Variants in EPRS1 observed in about 807,000 individuals in gnomAD.
EPRS1 encodes the protein glutamyl-prolyl-tRNA synthetase 1.
A neutral mutation model predicts 188.3 loss-of-function variants in EPRS1; 107 were observed. That is an observed-to-expected ratio of 0.57 (90% CI 0.49 to 0.67). EPRS1 has a LOEUF of 0.67. EPRS1 is among the 30% of genes least tolerant of loss of function. The probability of loss-of-function intolerance (pLI) is 0.00; values close to 1 mark genes in which losing one functional copy is unlikely to be tolerated. For synonymous variants in EPRS1, 596 were observed against 593.1 expected (o/e 1.00, Z -0.07); for missense variants, 1,577 against 1,802.2 (o/e 0.88, Z 2.26).
chr1:219,978,819 G>T (rs182693708), intron 27 of EPRS1, 100 bp from the exon 28 acceptor site: 6 of 798,152 alleles, frequency 7.5e-6, no homozygotes, highest in Non-Finnish European at 1.2e-5. Context: ...TTATTAACAC[G>T]AATCAGCTGT....
chr1:219,983,865 C>G (rs1042266436), intron 21 of EPRS1, among the ~76,000 whole-genome samples: 3 of 147,908 alleles, frequency 2.0e-5, no homozygotes, highest in African/African-American at 7.5e-5. Context: ...TGCACACCAG[C>G]CTAGGCAACA....
At chr1:220,024,482 T>A (rs751753464) in intron 7 of EPRS1, 26 bp from the exon 8 acceptor site, 1 of 1,538,138 alleles carries the variant, frequency 6.5e-7, no homozygotes, top group Non-Finnish European at 8.8e-7. Flanking sequence ...AAAATAACCA[T>A]CAGTATATCT....
chr1:219,983,421 T>A (rs1325137493), intron 21 of EPRS1, 23 bp from the exon 22 acceptor site: 2 of 1,573,264 alleles, frequency 1.3e-6, no homozygotes, highest in Admixed American at 3.6e-5. Flanking sequence ...AAAATAGTCT[T>A]TAAAGCTTAC....
At position 220,034,941 on chromosome 1, in the gene EPRS1, A is replaced by C; in HGVS notation, c.204T>G (p.Tyr68Ter). 1 of 1,601,804 alleles carries C rather than the reference A, an allele frequency of 6.2e-7. No individual in the cohort carries two copies. ...LARVATTAGLYGSNLMEHTEI... is the reference protein window; with the variant it reads ...LARVATTAGL Reference sequence around the variant, plus strand: ...CAGTATGTTCCATCAGATTAGAGCCATATAACCCAGCTGTAGTTGCAACTC... The same window carrying C: ...CAGTATGTTCCATCAGATTAGAGCCCTATAACCCAGCTGTAGTTGCAACTC... The change falls in exon 3 of 32, where the codon TAT becomes TAG. Residue 68 changes from tyrosine (Y) to a stop codon, truncating the protein, a stop_gained. Transcript: ENST00000366923. LOFTEE classifies it high-confidence loss of function.
chr1:220,040,326 T>G, intron 1 of EPRS1, 57 bp from the exon 2 acceptor site: 1 of 1,192,490 alleles, frequency 8.4e-7, no homozygotes, highest in South Asian at 1.3e-5. Flanking sequence ...ATTTATAACT[T>G]GAATCATAAA....
At chr1:219,977,211 AC>A (rs1315742535) in intron 28 of EPRS1, among the ~76,000 whole-genome samples, 1 of 152,180 alleles carries the variant, frequency 6.6e-6, no homozygotes, top group East Asian at 1.9e-4. Context: ...TAATACCTTC[AC>A]TAGATAGTGA....
chr1:220,004,064 G>T (rs999308256), intron 16 of EPRS1, among the ~76,000 whole-genome samples: 2 of 152,200 alleles, frequency 1.3e-5, no homozygotes, highest in African/African-American at 4.8e-5. Context: ...GTCTTGCTCT[G>T]TCACCAAGGC....
intron 27 of EPRS1, among the ~76,000 whole-genome samples, 192 bp from the exon 28 acceptor site, chr1:219,978,911 C>T (rs1461426286): frequency 6.6e-6 from 1 of 151,556 alleles, no homozygotes; most frequent in Non-Finnish European, 1.5e-5. Context: ...ATCTGACCCA[C>T]TATATTTCAC....
intron 1 of EPRS1, among the ~76,000 whole-genome samples, chr1:220,042,476 C>A (rs1481171590): frequency 6.7e-6 from 1 of 150,170 alleles, no homozygotes; most frequent in Non-Finnish European, 1.5e-5. Flanking sequence ...AAGAATGAAA[C>A]CCCATCTCCC....
chr1:219,996,649 T>C (rs1661239875), intron 18 of EPRS1, among the ~76,000 whole-genome samples: 1 of 152,180 alleles, frequency 6.6e-6, no homozygotes, highest in African/African-American at 2.4e-5. Flanking sequence ...TTCAGGATGA[T>C]TTTAAATATC....
intron 17 of EPRS1, among the ~76,000 whole-genome samples, chr1:220,000,781 G>A (rs1379789309): frequency 6.6e-6 from 1 of 152,098 alleles, no homozygotes; most frequent in Non-Finnish European, 1.5e-5. Flanking sequence ...AGGAGTTCAA[G>A]ACCAGCCAGG....
At position 219,978,693 on chromosome 1, in the gene EPRS1, G is replaced by C. The variant is rs1660826366; in HGVS notation, c.3936C>G (p.Thr1312=). 6.2e-6 allele frequency: 10 copies of C among 1,610,300 alleles called. No homozygotes were observed. Among genetic ancestry groups the C allele is most frequent in the East Asian group, 2.2e-5 (1 of 44,662 alleles). The change falls in exon 28 of 32, where the codon ACC becomes ACG. Residue 1312 remains threonine (T), a synonymous_variant. Transcript: ENST00000366923. The part of the protein sequence containing the change: ...VQVVIIPCGI[T]NALSEEDKEA... ...CTTTGTCTTCTTCAGAAAGTGCATT[G>C]GTAATGCCACAAGGAATAATCACCA...
At chr1:220,023,748 C>T (rs1436529351) in intron 8 of EPRS1, among the ~76,000 whole-genome samples, 1 of 152,158 alleles carries the variant, frequency 6.6e-6, no homozygotes, top group Non-Finnish European at 1.5e-5. Context: ...AAGTGAGATA[C>T]TAAGGGCATA....
At chr1:219,988,387 C>T (rs757703673) in intron 19 of EPRS1, among the ~76,000 whole-genome samples, 2 of 151,432 alleles carry the variant, frequency 1.3e-5, no homozygotes, top group Non-Finnish European at 2.9e-5. Context: ...CAGTGATGGG[C>T]GGTGTCATAT....
At chr1:220,035,952 C>A (rs1662168040) in intron 2 of EPRS1, among the ~76,000 whole-genome samples, 1 of 151,192 alleles carries the variant, frequency 6.6e-6, no homozygotes, top group African/African-American at 2.4e-5. Context: ...GTAATCCCGG[C>A]ACTTCGGGAG....
At chr1:219,973,486 T>A in intron 28 of EPRS1, 88 bp from the exon 29 acceptor site, 1 of 953,844 alleles carries the variant, frequency 1.0e-6, no homozygotes, top group Non-Finnish European at 1.4e-6. Context: ...CTACCATAAA[T>A]TATAAAAAAC....
chr1:220,015,491 AAAGAC>A (rs571556091), intron 12 of EPRS1, among the ~76,000 whole-genome samples: 497 of 143,982 alleles, frequency 3.5e-3, no homozygotes, highest in African/African-American at 0.012. Flanking sequence ...ACAAAAGAGA[AAAGAC>A]AAGACAAGAG....
chr1:220,017,987 T>G (rs1385029436), intron 12 of EPRS1: 2 of 403,968 alleles, frequency 5.0e-6, no homozygotes, highest in Non-Finnish European at 9.0e-6. Context: ...ACACTAGGAA[T>G]AATGCATTTT....
At chr1:220,038,175 C>T (rs1662223691) in intron 2 of EPRS1, among the ~76,000 whole-genome samples, 2 of 151,384 alleles carry the variant, frequency 1.3e-5, no homozygotes, top group African/African-American at 4.9e-5. Flanking sequence ...CTCCACCTCC[C>T]GGGTTCAAGC....
Sources: gnomAD v4.1 joint callset for allele counts (sites outside exome capture counted in the v4.1 genomes callset) on GRCh38, gnomAD v4.1.1 for gene constraint, MANE v1.5 for transcripts, NCBI Gene and HGNC (gene_info 2026-07-23, HGNC 2026-07-21) for gene names.